PID1: variants seen among roughly 807,000 people sequenced by gnomAD.
The protein encoded by PID1 is PTB-containing, cubilin and LRP1-interacting protein.
A neutral mutation model predicts 19.1 loss-of-function variants in PID1; 10 were observed. The ratio of observed to expected loss-of-function variants is 0.52; its 90% CI spans 0.32 to 0.89. PID1 has a LOEUF of 0.89. Among genes scored for constraint, PID1 ranks in the 40% least tolerant of loss-of-function variants. The pLI is 0.03. For synonymous variants in PID1, 130 were observed against 116.0 expected (o/e 1.12, Z -0.78); for missense variants, 248 against 285.3 (o/e 0.87, Z 0.94).
intron 2 of PID1, among the ~76,000 whole-genome samples, chr2:229,073,894 C>T (rs371905080): frequency 6.6e-6 from 1 of 152,282 alleles, no homozygotes; most frequent in African/African-American, 2.4e-5. Context: ...AGAGGCCGCA[C>T]AATGGTCCAG....
At chr2:229,057,464 A>AC (rs898071743) in intron 2 of PID1, among the ~76,000 whole-genome samples, 1 of 151,916 alleles carries the variant, frequency 6.6e-6, no homozygotes, top group African/African-American at 2.4e-5. Flanking sequence ...TAAAAAAAAA[A>AC]AAAAAAACCT....
chr2:229,143,130 GGT>G (rs2106182843), intron 2 of PID1, among the ~76,000 whole-genome samples: 1 of 149,274 alleles, frequency 6.7e-6, no homozygotes, highest in South Asian at 2.3e-4. Flanking sequence ...CTCACTTATA[GGT>G]GGGAATTGAA....
chr2:229,155,242 G>A (rs964292516), intron 2 of PID1, among the ~76,000 whole-genome samples: 9 of 152,090 alleles, frequency 5.9e-5, no homozygotes, highest in Non-Finnish European at 1.3e-4. Flanking sequence ...AAATCACAGA[G>A]AGAATACAAT....
At chr2:229,248,850 T>C (rs1690072185) in intron 1 of PID1, among the ~76,000 whole-genome samples, 1 of 152,218 alleles carries the variant, frequency 6.6e-6, no homozygotes, top group Non-Finnish European at 1.5e-5. Flanking sequence ...AGGGGCCTTC[T>C]GTGTCATGTT....
At chr2:229,055,804 C>T (rs31276) in intron 2 of PID1, among the ~76,000 whole-genome samples, 118,842 of 152,182 alleles carry the variant, frequency 0.78, 48,639 homozygotes, top group Non-Finnish European at 0.91. Flanking sequence ...TACAGCCTGA[C>T]TTCAATAAAA....
At chr2:229,207,717 T>G (rs1372559039) in intron 1 of PID1, among the ~76,000 whole-genome samples, 1 of 151,882 alleles carries the variant, frequency 6.6e-6, no homozygotes, top group Non-Finnish European at 1.5e-5. Flanking sequence ...ACAACAGGCT[T>G]GAGATTTCAG....
rs1362811377 is a variant in PID1, at chr2:229,254,892, A to C, written c.30+16122T>G. Among the ~76,000 whole-genome samples the C allele has an allele frequency of 2.0e-5, 3 of 152,054 alleles. 1 individual carries two copies. The highest frequency in any genetic ancestry group is 7.2e-5 in the African/African-American group (3 of 41,406). On this transcript the variant is annotated intron_variant, in intron 1 of 2. Transcript: ENST00000392055. ...TTCTGTGGGCAGCACCATCCCTTTCATTTTCTGCTACTGCAGAAATAATAA... is the reference window on the plus strand; with the variant it reads ...TTCTGTGGGCAGCACCATCCCTTTCCTTTTCTGCTACTGCAGAAATAATAA...
intron 1 of PID1, chr2:229,262,738 A>T: frequency 1.9e-6 from 3 of 1,551,624 alleles, no homozygotes; most frequent in Non-Finnish European, 2.6e-6. Context: ...CACACCATCC[A>T]AAAGCTCTGG....
chr2:229,058,727 G>GAAAAAAAAAAAAA lies in PID1; in HGVS notation c.178-32632_178-32620dup, dbSNP rs5839294. On this transcript the variant is annotated intron_variant, in intron 2 of 2. Coordinates refer to ENST00000392055, the MANE Select transcript of PID1 (RefSeq NM_001100818.2). ...TTAATTAAATTGAGGGTAATAATTT[G>GAAAAAAAAAAAAA]AAAAAAAAAAAAAAAAGTGAGTTCC... 2.2e-5 allele frequency among the ~76,000 whole-genome samples: 3 copies of GAAAAAAAAAAAAA among 134,758 alleles called. 1 individual carries two copies. Among genetic ancestry groups the GAAAAAAAAAAAAA allele is most frequent in the Non-Finnish European group, 4.7e-5 (3 of 64,396 alleles). The allele number at this position is 134,758 out of a possible 152,430, so 88.4% of individuals were successfully genotyped here. A position where few individuals can be genotyped will look rare whatever the true frequency, so the allele number is the denominator to read the frequency against.
chr2:229,172,039 T>C (rs899895179), intron 1 of PID1, among the ~76,000 whole-genome samples: 5 of 152,100 alleles, frequency 3.3e-5, no homozygotes, highest in East Asian at 1.9e-4. Context: ...TGCAGTATCA[T>C]AGGGAGCTGT....
At chr2:229,185,294 T>G (rs1040274905) in intron 1 of PID1, among the ~76,000 whole-genome samples, 2 of 152,004 alleles carry the variant, frequency 1.3e-5, no homozygotes, top group Admixed American at 1.3e-4. Flanking sequence ...CCGCCAAGAC[T>G]CCATCTTGCC....
intron 1 of PID1, among the ~76,000 whole-genome samples, chr2:229,204,113 A>G (rs1459752254): frequency 1.3e-5 from 2 of 152,096 alleles, no homozygotes; most frequent in Non-Finnish European, 2.9e-5. Flanking sequence ...AATACACACC[A>G]TGCCTGAACT....
intron 1 of PID1, among the ~76,000 whole-genome samples, chr2:229,168,711 A>AT (rs1325237660): frequency 6.9e-6 from 1 of 144,572 alleles, no homozygotes; most frequent in African/African-American, 2.5e-5. Context: ...CTTCACAATA[A>AT]TTTTTTTTCC....
chr2:229,030,583 C>T, intron 2 of PID1, among the ~76,000 whole-genome samples: 1 of 93,998 alleles, frequency 1.1e-5, no homozygotes, highest in East Asian at 3.0e-4. Flanking sequence ...TCTAAAGGCA[C>T]ACTTTCTCTC....
chr2:229,096,565 T>G (rs1350747051), intron 2 of PID1, among the ~76,000 whole-genome samples: 2 of 152,134 alleles, frequency 1.3e-5, no homozygotes, highest in Non-Finnish European at 2.9e-5. Flanking sequence ...ATGGACACAT[T>G]ATAGGTCTTG....
At chr2:229,169,168 T>A (rs1559266714) in intron 1 of PID1, among the ~76,000 whole-genome samples, 1 of 152,226 alleles carries the variant, frequency 6.6e-6, no homozygotes, top group Non-Finnish European at 1.5e-5. Context: ...AATTGACTTT[T>A]AAAAATGTAA....
chr2:229,107,381 C>T (rs1695198173), intron 2 of PID1, among the ~76,000 whole-genome samples: 1 of 151,842 alleles, frequency 6.6e-6, no homozygotes, highest in African/African-American at 2.4e-5. Context: ...CTACTCTTCA[C>T]TCAATGGGAA....
At chr2:229,183,980 A>C (rs369040185) in intron 1 of PID1, among the ~76,000 whole-genome samples, 1 of 43,666 alleles carries the variant, frequency 2.3e-5, no homozygotes, top group African/African-American at 1.1e-4. Flanking sequence ...TATATATCCC[A>C]TATGTATGTA....
At chr2:229,264,095 G>C (rs1263971699) in intron 1 of PID1, among the ~76,000 whole-genome samples, 3 of 152,098 alleles carry the variant, frequency 2.0e-5, no homozygotes, top group African/African-American at 7.2e-5. Flanking sequence ...GTTGCTTCTG[G>C]GACCCTGACC....
Sources: allele counts gnomAD v4.1 joint callset (sites outside exome capture counted in the v4.1 genomes callset), GRCh38; gene constraint gnomAD v4.1.1; transcripts MANE v1.5; gene names NCBI Gene and HGNC (gene_info 2026-07-23, HGNC 2026-07-21).